ACYP2: variants seen among roughly 807,000 people sequenced by gnomAD.
ACYP2 encodes acylphosphatase-2.
A neutral mutation model predicts 11.2 loss-of-function variants in ACYP2; 12 were observed. That is an observed-to-expected ratio of 1.08 (90% CI 0.69 to 1.74). The LOEUF is 1.74. Ranked by LOEUF, ACYP2 falls within the 40% of genes most tolerant of loss-of-function variation. ACYP2 has a pLI of 0.00. For synonymous variants in ACYP2, 43 were observed against 32.2 expected (o/e 1.33, Z -1.13); for missense variants, 134 against 101.9 (o/e 1.31, Z -1.35).
At chr2:54,235,449 C>T (rs1417344916) in intron 6 of ACYP2, among the ~76,000 whole-genome samples, 1 of 152,040 alleles carries the variant, frequency 6.6e-6, no homozygotes, top group African/African-American at 2.4e-5. Context: ...CCCGGGTTCA[C>T]ACCATTCTCC....
In ACYP2 at chr2:54,250,679, ATACTC is replaced by A. The variant is rs1325385119; in HGVS notation, c.405-54002_405-53998del. Among the ~76,000 whole-genome samples, 6 of 152,352 alleles carry A rather than the reference ATACTC, an allele frequency of 3.9e-5. No individual in the cohort carries two copies. The South Asian group carries it at 6.2e-4, about 16-fold the overall frequency. On this transcript the variant is annotated intron_variant, in intron 6 of 6. Transcript: ENST00000607452. ...GTTAATCTTTTACATTATTGTTTTT[ATACTC>A]TACTCTTTATGTAAAAGAAAAACTA...
At chr2:54,060,268 C>CT (rs1224331109) in intron 4 of ACYP2, among the ~76,000 whole-genome samples, 4 of 152,014 alleles carry the variant, frequency 2.6e-5, no homozygotes, top group Non-Finnish European at 4.4e-5. Flanking sequence ...TTTTGGCTAT[C>CT]TTTTTTATCT....
intron 6 of ACYP2, among the ~76,000 whole-genome samples, chr2:54,294,979 C>T (rs1689461814): frequency 6.6e-6 from 1 of 151,860 alleles, no homozygotes; most frequent in African/African-American, 2.4e-5. Context: ...GTTTGCACAT[C>T]TTTGAGATAC....
intron 6 of ACYP2, among the ~76,000 whole-genome samples, chr2:54,196,658 G>A (rs1429746570): frequency 6.6e-6 from 1 of 152,182 alleles, no homozygotes; most frequent in African/African-American, 2.4e-5. Context: ...GGGCTGTCCT[G>A]TGCATTAGGA....
intron 6 of ACYP2, among the ~76,000 whole-genome samples, chr2:54,280,109 G>GTT (rs1688779823): frequency 6.6e-6 from 1 of 152,094 alleles, no homozygotes; most frequent in Non-Finnish European, 1.5e-5. Context: ...TTACAAATCT[G>GTT]TTTTTTTCAT....
intron 4 of ACYP2, among the ~76,000 whole-genome samples, chr2:54,098,310 T>A (rs575205225): frequency 6.6e-6 from 1 of 152,180 alleles, no homozygotes; most frequent in Non-Finnish European, 1.5e-5. Context: ...CATTATTAAA[T>A]TTTTCTGATT....
chr2:54,128,583 G>A (rs920228705), intron 4 of ACYP2, among the ~76,000 whole-genome samples: 2 of 152,074 alleles, frequency 1.3e-5, no homozygotes, highest in African/African-American at 2.4e-5. Context: ...GAGAGAATTG[G>A]TTAAGGCCAA....
At chr2:54,156,789 C>T (rs1682454886) in intron 6 of ACYP2, among the ~76,000 whole-genome samples, 1 of 152,120 alleles carries the variant, frequency 6.6e-6, no homozygotes, top group African/African-American at 2.4e-5. Context: ...GCCTCAGCCT[C>T]CCAAGTAGTT....
chr2:54,207,870 TGCATTCAATATTGG>T (rs1234761574), intron 6 of ACYP2, among the ~76,000 whole-genome samples: 1 of 152,192 alleles, frequency 6.6e-6, no homozygotes, highest in Non-Finnish European at 1.5e-5. Context: ...GTTCTGTGTG[TGCATTCAATATTGG>T]GCAATTTTGA....
At chr2:54,265,112 G>A (rs1485412591) in intron 6 of ACYP2, among the ~76,000 whole-genome samples, 1 of 152,030 alleles carries the variant, frequency 6.6e-6, no homozygotes, top group Non-Finnish European at 1.5e-5. Context: ...AAAAGTAGGG[G>A]GTCAAAAGAT....
At position 54,141,084 on chromosome 2, in the gene ACYP2, C is replaced by G. The variant is rs534149826; in HGVS notation, c.404+2336C>G. Among the ~76,000 whole-genome samples the G allele has an allele frequency of 2.0e-5, 3 of 152,226 alleles. No homozygotes were observed. The South Asian group carries it at 6.2e-4, about 32-fold the overall frequency. On this transcript the variant is annotated intron_variant, in intron 6 of 6. Transcript: ENST00000607452. ...AGTTGGAGCATCTTTATGCTTATGTCTGTGAATTTGTTCTCATGAACTCCC... is the reference window on the plus strand; with the variant it reads ...AGTTGGAGCATCTTTATGCTTATGTGTGTGAATTTGTTCTCATGAACTCCC...
At chr2:54,268,944 T>C (rs1044117163) in intron 6 of ACYP2, among the ~76,000 whole-genome samples, 1 of 152,216 alleles carries the variant, frequency 6.6e-6, no homozygotes, top group Admixed American at 6.5e-5. Flanking sequence ...AAGCACATTA[T>C]ATGAATTATC....
chr2:54,120,037 G>T (rs1680052957), intron 4 of ACYP2, among the ~76,000 whole-genome samples: 1 of 152,232 alleles, frequency 6.6e-6, no homozygotes, highest in African/African-American at 2.4e-5. Context: ...CCACAGAGGT[G>T]AAGTGCTGCT....
chr2:54,094,744 G>C (rs1296453287), intron 4 of ACYP2, among the ~76,000 whole-genome samples: 1 of 151,330 alleles, frequency 6.6e-6, no homozygotes, highest in East Asian at 1.9e-4. Context: ...CACCACGTTG[G>C]CCTGACTGGT....
chr2:54,069,661 CAAAAAAACAAAAAACA>C (rs1676925099), intron 4 of ACYP2, among the ~76,000 whole-genome samples: 1 of 150,790 alleles, frequency 6.6e-6, no homozygotes, highest in Non-Finnish European at 1.5e-5. Flanking sequence ...GACTCCGTCT[CAAAAAAACAAAAAACA>C]AAAAAAACAA....
intron 6 of ACYP2, among the ~76,000 whole-genome samples, chr2:54,168,900 C>G (rs866400086): frequency 3.3e-5 from 5 of 152,122 alleles, no homozygotes; most frequent in Admixed American, 2.0e-4. Context: ...TGCATGCTTT[C>G]ACTTAAATGG....
intron 6 of ACYP2, among the ~76,000 whole-genome samples, chr2:54,292,667 TATACACACAC>T (rs1689358578): frequency 1.9e-5 from 1 of 53,282 alleles, no homozygotes; most frequent in Non-Finnish European, 3.6e-5. Context: ...TGTATATATG[TATACACACAC>T]ACACACACAC....
intron 6 of ACYP2, among the ~76,000 whole-genome samples, chr2:54,203,040 C>G (rs1252290759): frequency 1.3e-5 from 2 of 152,050 alleles, no homozygotes; most frequent in Non-Finnish European, 2.9e-5. Flanking sequence ...TTTATTGACA[C>G]TATAGATCAA....
chr2:54,069,170 A>G (rs116620234), intron 4 of ACYP2, among the ~76,000 whole-genome samples: 4,941 of 152,144 alleles, frequency 0.032, 115 homozygotes, highest in Non-Finnish European at 0.054. Context: ...GCCTCAAACA[A>G]TCCGCCTGCC....
Sources: allele counts gnomAD v4.1 joint callset (sites outside exome capture counted in the v4.1 genomes callset), GRCh38; gene constraint gnomAD v4.1.1; transcripts MANE v1.5; gene names NCBI Gene and HGNC (gene_info 2026-07-23, HGNC 2026-07-21).